GDI2: variants seen among roughly 807,000 people sequenced by gnomAD.
The protein encoded by GDI2 is rab GDP dissociation inhibitor beta.
In GDI2, 22 loss-of-function variants were observed where a neutral mutation model predicts 54.2. The ratio of observed to expected loss-of-function variants is 0.41; its 90% CI spans 0.29 to 0.58. The LOEUF is 0.58. GDI2 is among the 20% of genes least tolerant of loss of function. The pLI, the probability that GDI2 is intolerant of heterozygous loss-of-function variation, is 0.35. For synonymous variants in GDI2, 177 were observed against 182.1 expected (o/e 0.97, Z 0.23); for missense variants, 422 against 546.0 (o/e 0.77, Z 2.26).
At chr10:5,777,169 G>A (rs1840642295) in intron 6 of GDI2, among the ~76,000 whole-genome samples, 1 of 152,158 alleles carries the variant, frequency 6.6e-6, no homozygotes, top group Non-Finnish European at 1.5e-5. Context: ...CTTGTCTTCA[G>A]GGTTAAAATG....
At chr10:5,804,099 T>TC (rs1841324474) in intron 1 of GDI2, among the ~76,000 whole-genome samples, 1 of 151,472 alleles carries the variant, frequency 6.6e-6, no homozygotes. Context: ...ATTCTTTCTT[T>TC]TTTTTTTTAT....
rs775213815 is a variant in GDI2 at position 5,765,553 on chromosome 10, CAA to C, written c.*451_*452del. ...CCCTGCCATAACATTTGACATAATA[CAA>C]AATATAAAGTCATAGGGAAAACTTC... is the stretch of plus-strand genomic sequence containing the variant. On this transcript the variant is annotated 3_prime_UTR_variant, in exon 11 of 11. Transcript: ENST00000380191. The C allele has an allele frequency of 8.4e-4, 129 of 152,960 alleles. No homozygotes were observed. The highest frequency in any genetic ancestry group is 1.6e-3 in the Non-Finnish European group (110 of 68,568). 9.5% of individuals were successfully genotyped at this position (152,960 alleles called of 1,614,324 possible). A position where few individuals can be genotyped will look rare whatever the true frequency, so the allele number is the denominator to read the frequency against.
intron 7 of GDI2, among the ~76,000 whole-genome samples, chr10:5,770,963 CAAAAAAAAAA>C (rs59686031): frequency 1.3e-4 from 6 of 46,392 alleles, no homozygotes; most frequent in African/African-American, 3.5e-4. Context: ...GAGACTGTCT[CAAAAAAAAAA>C]AAAAAAAAAA....
chr10:5,786,417 A>G (rs1244475969), intron 4 of GDI2, among the ~76,000 whole-genome samples: 1 of 151,808 alleles, frequency 6.6e-6, no homozygotes, highest in African/African-American at 2.4e-5. Flanking sequence ...TCCGCCCACC[A>G]CGGCCTCCCA....
intron 1 of GDI2, among the ~76,000 whole-genome samples, chr10:5,801,802 G>A (rs1024374010): frequency 7.2e-5 from 11 of 152,026 alleles, no homozygotes; most frequent in African/African-American, 2.7e-4. Context: ...CTTGAACCCA[G>A]GAATTTCAGA....
At chr10:5,794,617 C>T (rs1191966054) in intron 4 of GDI2, among the ~76,000 whole-genome samples, 1 of 152,052 alleles carries the variant, frequency 6.6e-6, no homozygotes, top group East Asian at 1.9e-4. Context: ...GTGAAAAGAA[C>T]ACTATTAACC....
intron 1 of GDI2, among the ~76,000 whole-genome samples, chr10:5,806,123 T>G (rs538408626): frequency 1.2e-4 from 18 of 152,252 alleles, no homozygotes; most frequent in Non-Finnish European, 1.9e-4. Flanking sequence ...CAAAAACGGT[T>G]GTACCAATTT....
chr10:5,794,188 A>AAAAAAATATAT (rs1448053813), intron 4 of GDI2, among the ~76,000 whole-genome samples: 1 of 40,340 alleles, frequency 2.5e-5, no homozygotes, highest in Non-Finnish European at 4.2e-5. Flanking sequence ...AAAAAAAAAA[A>AAAAAAATATAT]ATATATATAT....
intron 6 of GDI2, 58 bp from the exon 7 acceptor site, chr10:5,773,999 C>T (rs1330816497): frequency 1.4e-6 from 1 of 734,150 alleles, no homozygotes; most frequent in East Asian, 2.5e-5. Flanking sequence ...TCCTAAAGTC[C>T]CCTTTCTTAG....
Position 5,766,051 on chromosome 10 carries a change from A to C in GDI2, c.1293T>G (p.Phe431Leu), listed in dbSNP as rs766907217. ...CATTCTTCTTGCGCTTCATTTCCTC[A>C]AAGTCAAACTCTGATCCTGTCATCC... The part of the protein sequence containing the change: ...YKRMTGSEFD[F>L]EEMKRKKNDI... Residue 431 changes from phenylalanine to leucine, a missense_variant, in exon 11 of 11, where the codon TTT (phenylalanine) becomes TTG (leucine). Phe to Leu is a conservative substitution (Grantham distance 22). Coordinates refer to ENST00000380191, the MANE Select transcript of GDI2 (RefSeq NM_001494.4). This position sits in a 1 kb window ranked among gnomAD's most constrained non-coding sequence, Gnocchi z 5.8. The C allele has an allele frequency of 5.7e-6, 9 of 1,591,770 alleles. No individual in the cohort carries two copies. The highest frequency in any genetic ancestry group is 6.8e-6 in the Non-Finnish European group (8 of 1,174,264).
At chr10:5,796,264 T>C (rs1315581525) in intron 3 of GDI2, among the ~76,000 whole-genome samples, 2 of 151,196 alleles carry the variant, frequency 1.3e-5, no homozygotes, top group African/African-American at 4.9e-5. Context: ...GCAGGAGAAT[T>C]GCTTGAACCA....
intron 1 of GDI2, chr10:5,811,880 TA>T: frequency 5.7e-6 from 6 of 1,056,666 alleles, no homozygotes; most frequent in Admixed American, 2.8e-5. Context: ...AAACCTTTCC[TA>T]AAAAATTAGC....
chr10:5,796,796 C>T lies in GDI2; in HGVS notation c.220G>A (p.Val74Ile). The T allele has an allele frequency of 6.3e-7, 1 of 1,579,116 alleles. No individual in the cohort carries two copies. Among genetic ancestry groups the T allele is most frequent in the Non-Finnish European group, 8.7e-7 (1 of 1,148,804 alleles). ...ATAAGGAACTTGGGAATCAAGTCAA[C>T]ATTCCAGTCTCTTCCTCTCCCCATT... is the stretch of plus-strand genomic sequence containing the variant. ...ESMGRGRDWN[V>I]DLIPKFLMAN... is the part of the protein sequence containing the mutation. The change falls in exon 3 of 11, where the codon GTT becomes ATT. Residue 74 changes from valine to isoleucine, a missense_variant. Val to Ile is a conservative substitution (Grantham distance 29). Transcript: ENST00000380191.
chr10:5,785,101 T>G, intron 6 of GDI2, 41 bp downstream of exon 6: 1 of 1,456,524 alleles, frequency 6.9e-7, no homozygotes, highest in South Asian at 1.3e-5. Flanking sequence ...ATGTTGAAGA[T>G]GAGGTTTTGG....
intron 4 of GDI2, among the ~76,000 whole-genome samples, chr10:5,788,220 C>T (rs1417813324): frequency 2.0e-5 from 3 of 151,540 alleles, no homozygotes; most frequent in Admixed American, 6.6e-5. Flanking sequence ...AACAAGGTCT[C>T]GCCATGTTGC....
intron 7 of GDI2, among the ~76,000 whole-genome samples, chr10:5,773,505 GCTCAAAACCCCA>G (rs1175846256): frequency 9.2e-5 from 14 of 152,168 alleles, no homozygotes; most frequent in African/African-American, 3.4e-4. Flanking sequence ...GAGAAATGCT[GCTCAAAACCCCA>G]CCCGTGTAGG....
At chr10:5,782,342 G>A (rs1466345788) in intron 6 of GDI2, among the ~76,000 whole-genome samples, 2 of 152,190 alleles carry the variant, frequency 1.3e-5, no homozygotes, top group African/African-American at 4.8e-5. Context: ...AGGATGTGGA[G>A]CAACGAGAAC....
intron 1 of GDI2, among the ~76,000 whole-genome samples, chr10:5,801,579 G>A (rs940347266): frequency 3.3e-5 from 5 of 152,116 alleles, no homozygotes; most frequent in Non-Finnish European, 7.4e-5. Context: ...AAGAGGCCAA[G>A]GCAGGTGAAT....
Position 5,765,698 on chromosome 10 carries a change from TGATTAAAA to T in GDI2, c.*300_*307del. On this transcript the variant is annotated 3_prime_UTR_variant, in exon 11 of 11. Coordinates refer to ENST00000380191, the MANE Select transcript of GDI2 (RefSeq NM_001494.4). The stretch of plus-strand genomic sequence containing the variant: ...GAGCAGCAGCAGCACATAGCTACAC[TGATTAAAA>T]GATTAAAAAAACTGTCTCAAGTTGT... 1 of 288,100 alleles carries T rather than the reference TGATTAAAA, an allele frequency of 3.5e-6. No homozygotes were observed. The highest frequency in any genetic ancestry group is 6.4e-6 in the Non-Finnish European group (1 of 156,064). 17.8% of individuals were successfully genotyped at this position (288,100 alleles called of 1,614,324 possible).
Sources: allele counts gnomAD v4.1 joint callset (sites outside exome capture counted in the v4.1 genomes callset), GRCh38; gene constraint gnomAD v4.1.1; non-coding constraint Gnocchi (gnomAD v3.1); transcripts MANE v1.5; gene names NCBI Gene and HGNC (gene_info 2026-07-23, HGNC 2026-07-21).